TMEM165: variants seen among roughly 807,000 people sequenced by gnomAD.
TMEM165 encodes transmembrane protein 165.
In TMEM165, 19 loss-of-function variants were observed where a neutral mutation model predicts 30.0. The observed-to-expected ratio is 0.63, with a 90% CI of 0.44 to 0.93. The LOEUF (loss-of-function observed/expected upper bound fraction) is 0.93. Ranked by LOEUF, TMEM165 falls within the 40% of genes least tolerant of loss-of-function variation. The pLI is 0.00. For missense variants in TMEM165, 340 were observed against 417.0 expected, an observed-to-expected ratio of 0.82 and a Z score of 1.61; for synonymous variants, 168 against 162.9, an observed-to-expected ratio of 1.03 and a Z score of -0.24.
At chr4:55,407,616 ACT>A (rs371697879) in intron 1 of TMEM165, among the ~76,000 whole-genome samples, 1 of 152,004 alleles carries the variant, frequency 6.6e-6, no homozygotes, top group Non-Finnish European at 1.5e-5. Flanking sequence ...TTTTTGTTAG[ACT>A]CTGCTCTGGC....
At chr4:55,446,098 CTTCTTT>C (rs1723818871) in intron 3 of TMEM165, among the ~76,000 whole-genome samples, 1 of 101,312 alleles carries the variant, frequency 9.9e-6, no homozygotes, top group Admixed American at 1.2e-4. Context: ...AAAAATTTAA[CTTCTTT>C]TTTTTTTTTT....
intron 1 of TMEM165, among the ~76,000 whole-genome samples, chr4:55,402,723 A>G (rs1721077001): frequency 1.4e-5 from 2 of 146,018 alleles, no homozygotes; most frequent in South Asian, 2.1e-4. Flanking sequence ...CTAGGATTAC[A>G]GGCATGAGCC....
chr4:55,401,213 T>TA (rs113948049), intron 1 of TMEM165, among the ~76,000 whole-genome samples: 5,155 of 150,646 alleles, frequency 0.034, 146 homozygotes, highest in Non-Finnish European at 0.054. Flanking sequence ...ATAATTAGGC[T>TA]AAAAAAAGGT....
intron 3 of TMEM165, among the ~76,000 whole-genome samples, chr4:55,439,404 C>T (rs554795241): frequency 2.0e-5 from 3 of 152,186 alleles, no homozygotes; most frequent in South Asian, 2.1e-4. Flanking sequence ...AAACCTTGTG[C>T]AGTGCTGGTG....
At chr4:55,403,389 G>A (rs368750162) in intron 1 of TMEM165, 2 of 934,852 alleles carry the variant, frequency 2.1e-6, no homozygotes, top group East Asian at 8.0e-5. Flanking sequence ...TTGAACTCTA[G>A]AACTAGAAAA....
chr4:55,420,098 GAAAA>G (rs370641089), intron 4 of TMEM165, among the ~76,000 whole-genome samples: 1 of 43,756 alleles, frequency 2.3e-5, no homozygotes, highest in African/African-American at 5.7e-5. Context: ...ACTATCTTAA[GAAAA>G]AAAAATATAT....
chr4:55,420,258 G>T (rs11725738), intron 4 of TMEM165, among the ~76,000 whole-genome samples: 9,065 of 149,870 alleles, frequency 0.06, 332 homozygotes, highest in African/African-American at 0.1. Context: ...TTTTGTTGAG[G>T]TGGTAGTGAT....
chr4:55,441,211 A>C (rs1215394711), intron 3 of TMEM165, among the ~76,000 whole-genome samples: 1 of 152,188 alleles, frequency 6.6e-6, no homozygotes, highest in Non-Finnish European at 1.5e-5. Flanking sequence ...ACTTAAAACC[A>C]CAATTAAATA....
rs13126519 is a variant in TMEM165, at chr4:55,402,403, G to A, written c.207+6007G>A. Among the ~76,000 whole-genome samples the A allele has an allele frequency of 5.4e-3, 262 of 48,106 alleles. 1 individual carries two copies. The highest frequency in any genetic ancestry group is 6.2e-3 in the Non-Finnish European group (183 of 29,310). 31.6% of individuals were successfully genotyped at this position (48,106 alleles called of 152,430 possible). A position where few individuals can be genotyped will look rare whatever the true frequency, so the allele number is the denominator to read the frequency against. ...TAAGTGCGTGCGTGTGTGTGTGTGT[G>A]TATATATATATATATATATATATAT... On this transcript the variant is annotated intron_variant, in intron 1 of 5. Coordinates refer to ENST00000381334, the MANE Select transcript of TMEM165 (RefSeq NM_018475.5).
chr4:55,442,552 T>C (rs763646149), intron 3 of TMEM165: 38 of 1,611,660 alleles, frequency 2.4e-5, no homozygotes, highest in Non-Finnish European at 3.2e-5. Context: ...CATAGTGTTA[T>C]ACAGTGGGGC....
intron 3 of TMEM165, among the ~76,000 whole-genome samples, chr4:55,445,141 G>A (rs1252621632): frequency 1.5e-5 from 1 of 68,198 alleles, no homozygotes; most frequent in Non-Finnish European, 3.6e-5. Flanking sequence ...CATATGATAT[G>A]GTCTGGTTAT....
At chr4:55,400,086 C>T (rs1440667936) in intron 1 of TMEM165, among the ~76,000 whole-genome samples, 1 of 139,784 alleles carries the variant, frequency 7.2e-6, no homozygotes, top group Non-Finnish European at 1.5e-5. Flanking sequence ...CTCAAGGGAT[C>T]TTCCCCTCTT....
chr4:55,399,687 C>T (rs534786878), intron 1 of TMEM165, among the ~76,000 whole-genome samples: 1 of 152,182 alleles, frequency 6.6e-6, no homozygotes, highest in East Asian at 1.9e-4. Flanking sequence ...GTCCAGTAAA[C>T]ATATTAAATG....
intron 4 of TMEM165, among the ~76,000 whole-genome samples, chr4:55,418,804 T>C (rs557986764): frequency 1.8e-4 from 28 of 152,082 alleles, no homozygotes; most frequent in Non-Finnish European, 2.9e-4. Context: ...CCCAGCACTT[T>C]AGGAGGCCAA....
At chr4:55,400,179 T>A (rs1392273023) in intron 1 of TMEM165, among the ~76,000 whole-genome samples, 3 of 121,810 alleles carry the variant, frequency 2.5e-5, no homozygotes, top group South Asian at 2.2e-4. Context: ...ATAATATATA[T>A]AAAAAATAAT....
At chr4:55,401,175 A>G (rs1720980738) in intron 1 of TMEM165, among the ~76,000 whole-genome samples, 1 of 149,680 alleles carries the variant, frequency 6.7e-6, no homozygotes, top group African/African-American at 2.5e-5. Flanking sequence ...CTAACAGGGC[A>G]TTCTACATTG....
At chr4:55,437,438 C>T (rs12501746) in intron 3 of TMEM165, among the ~76,000 whole-genome samples, 46,085 of 152,014 alleles carry the variant, frequency 0.3, 7,607 homozygotes, top group East Asian at 0.58. Flanking sequence ...GGGTTTTGTA[C>T]ATTTCTCTGC....
intron 3 of TMEM165, chr4:55,433,287 CCTT>C (rs1560406669): frequency 6.6e-6 from 1 of 152,564 alleles, no homozygotes; most frequent in African/African-American, 2.4e-5. Flanking sequence ...TAGAAGAGCT[CCTT>C]GATATGTTAA....
At chr4:55,401,685 A>C (rs1720999709) in intron 1 of TMEM165, among the ~76,000 whole-genome samples, 1 of 150,466 alleles carries the variant, frequency 6.6e-6, no homozygotes, top group African/African-American at 2.5e-5. Flanking sequence ...CCAGCCTCCT[A>C]ATTCTAGCCT....
Sources: gnomAD v4.1 joint callset for allele counts (sites outside exome capture counted in the v4.1 genomes callset) on GRCh38, gnomAD v4.1.1 for gene constraint, MANE v1.5 for transcripts, NCBI Gene and HGNC (gene_info 2026-07-23, HGNC 2026-07-21) for gene names.